DDX10: variants seen among roughly 807,000 people sequenced by gnomAD.
DDX10 encodes probable ATP-dependent RNA helicase DDX10.
Under a neutral mutation model 104.3 loss-of-function variants are expected in DDX10, and 74 were observed. The ratio of observed to expected loss-of-function variants is 0.71; its 90% CI spans 0.59 to 0.86. The LOEUF is 0.86. DDX10 is among the 40% of genes least tolerant of loss of function. The pLI is 0.00. For missense variants in DDX10, 952 were observed against 1,040.0 expected (o/e 0.92, Z 1.16); for synonymous variants, 351 against 353.4 (o/e 0.99, Z 0.08).
At chr11:108,712,865 A>G (rs1033262657) in intron 10 of DDX10, among the ~76,000 whole-genome samples, 6 of 152,010 alleles carry the variant, frequency 3.9e-5, no homozygotes, top group African/African-American at 1.2e-4. Flanking sequence ...TCTACTGGCA[A>G]TAAGTTTTGT....
At chr11:108,680,362 A>AT (rs2094233086) in intron 6 of DDX10, among the ~76,000 whole-genome samples, 1 of 152,186 alleles carries the variant, frequency 6.6e-6, no homozygotes, top group African/African-American at 2.4e-5. Flanking sequence ...CAACCAGGGC[A>AT]TACCACCATG....
intron 6 of DDX10, among the ~76,000 whole-genome samples, chr11:108,688,400 T>C (rs1389573400): frequency 6.6e-6 from 1 of 152,238 alleles, no homozygotes; most frequent in East Asian, 1.9e-4. Flanking sequence ...CCATCCCTTC[T>C]ATATTAACCC....
Position 108,679,536 on chromosome 11 carries a change from G to A in DDX10, c.824G>A (p.Trp275Ter). ...AGTTTGAAAAACCCTGAGTATGTCT[G>A]GGTTCATGAAAAAGCAAAATATAGG... ...RLSLKNPEYV[W>*]VHEKAKYSTP... Residue 275 changes from tryptophan to a stop codon, truncating the protein, a stop_gained, in exon 6 of 18, where the codon TGG (tryptophan) becomes TAG (stop). Transcript: ENST00000322536. LOFTEE classifies it high-confidence loss of function. 1.2e-6 allele frequency: 2 copies of A among 1,604,390 alleles called. No homozygotes were observed. The highest frequency in any genetic ancestry group is 1.7e-6 in the Non-Finnish European group (2 of 1,177,604).
At chr11:108,676,655 C>A (rs1300373608) in intron 3 of DDX10, among the ~76,000 whole-genome samples, 1 of 152,160 alleles carries the variant, frequency 6.6e-6, no homozygotes, top group South Asian at 2.1e-4. Flanking sequence ...TCATATTGGT[C>A]AGGCTGGTCT....
At chr11:108,813,467 T>G (rs936342439) in intron 13 of DDX10, among the ~76,000 whole-genome samples, 1 of 152,292 alleles carries the variant, frequency 6.6e-6, no homozygotes, top group East Asian at 1.9e-4. Context: ...ATTGGGAAAA[T>G]TTATCTTTTG....
At chr11:108,869,533 T>C (rs962382955) in intron 16 of DDX10, among the ~76,000 whole-genome samples, 1 of 152,142 alleles carries the variant, frequency 6.6e-6, no homozygotes, top group Non-Finnish European at 1.5e-5. Context: ...TCATTAACAT[T>C]TTATTTTGGG....
chr11:108,777,354 G>A (rs912147639), intron 13 of DDX10, among the ~76,000 whole-genome samples: 9 of 151,604 alleles, frequency 5.9e-5, no homozygotes, highest in African/African-American at 2.2e-4. Flanking sequence ...TTTTGAGATA[G>A]AGTCTTGCTC....
chr11:108,836,412 T>TA (rs1469155337), intron 13 of DDX10, among the ~76,000 whole-genome samples: 2 of 152,258 alleles, frequency 1.3e-5, no homozygotes, highest in African/African-American at 4.8e-5. Context: ...GACCATTATC[T>TA]AAAAATATAA....
chr11:108,823,116 G>T (rs2726871), intron 13 of DDX10, among the ~76,000 whole-genome samples: 18,507 of 152,082 alleles, frequency 0.12, 1,544 homozygotes, highest in East Asian at 0.27. Context: ...AATAATTCCA[G>T]TGTTTTTTTA....
intron 13 of DDX10, among the ~76,000 whole-genome samples, chr11:108,775,105 AT>A (rs1172395566): frequency 6.6e-6 from 1 of 152,216 alleles, no homozygotes; most frequent in Non-Finnish European, 1.5e-5. Flanking sequence ...GCTTATTTAA[AT>A]GGTTGGTATT....
chr11:108,873,411 T>A (rs1177409659), intron 16 of DDX10, among the ~76,000 whole-genome samples: 1 of 152,172 alleles, frequency 6.6e-6, no homozygotes, highest in Non-Finnish European at 1.5e-5. Flanking sequence ...TACAGACGTG[T>A]TATGCCTGAT....
chr11:108,759,692 T>C (rs1315845484), intron 13 of DDX10, among the ~76,000 whole-genome samples: 1 of 152,064 alleles, frequency 6.6e-6, no homozygotes, highest in Non-Finnish European at 1.5e-5. Context: ...CAGAATTTGA[T>C]TGTGTGTCTC....
At chr11:108,881,276 C>T (rs1308732173) in intron 16 of DDX10, among the ~76,000 whole-genome samples, 3 of 152,110 alleles carry the variant, frequency 2.0e-5, no homozygotes, top group Non-Finnish European at 2.9e-5. Flanking sequence ...TGCCTTTGTG[C>T]AAGTTTTTCT....
chr11:108,798,954 G>T (rs1256275654), intron 13 of DDX10, among the ~76,000 whole-genome samples: 1 of 152,022 alleles, frequency 6.6e-6, no homozygotes, highest in Non-Finnish European at 1.5e-5. Flanking sequence ...TATCTTTTTG[G>T]AGTTCTGTTA....
intron 13 of DDX10, among the ~76,000 whole-genome samples, chr11:108,744,030 G>T (rs1000120932): frequency 2.0e-5 from 3 of 152,116 alleles, no homozygotes; most frequent in African/African-American, 4.8e-5. Context: ...TCACATCTGT[G>T]CTGGGTTTAT....
At chr11:108,827,241 G>A (rs951505474) in intron 13 of DDX10, among the ~76,000 whole-genome samples, 5 of 152,078 alleles carry the variant, frequency 3.3e-5, no homozygotes, top group Non-Finnish European at 5.9e-5. Context: ...CATACATTGG[G>A]GATACAGATA....
At chr11:108,806,791 G>C (rs1862107635) in intron 13 of DDX10, among the ~76,000 whole-genome samples, 3 of 152,040 alleles carry the variant, frequency 2.0e-5, no homozygotes, top group Admixed American at 1.3e-4. Flanking sequence ...AAATAGAGGG[G>C]GGACTGTGTG....
chr11:108,908,729 C>T (rs1414385335), intron 16 of DDX10, among the ~76,000 whole-genome samples: 1 of 152,172 alleles, frequency 6.6e-6, no homozygotes, highest in Non-Finnish European at 1.5e-5. Flanking sequence ...AGACAACAGA[C>T]ATTACCATGT....
At chr11:108,783,550 A>G (rs1861742348) in intron 13 of DDX10, among the ~76,000 whole-genome samples, 1 of 152,206 alleles carries the variant, frequency 6.6e-6, no homozygotes, top group African/African-American at 2.4e-5. Flanking sequence ...AACATGTTTT[A>G]TAGCCTAAGT....
Sources: allele counts gnomAD v4.1 joint callset (sites outside exome capture counted in the v4.1 genomes callset), GRCh38; gene constraint gnomAD v4.1.1; transcripts MANE v1.5; gene names NCBI Gene and HGNC (gene_info 2026-07-23, HGNC 2026-07-21).